Variants in DDX3X observed in about 807,000 individuals in gnomAD.
The protein encoded by DDX3X is DEAD-box helicase 3 X-linked, also known as ATP-dependent RNA helicase DDX3X.
Under a neutral mutation model 52.7 loss-of-function variants are expected in DDX3X, and 4 were observed. The ratio of observed to expected loss-of-function variants is 0.08; its 90% confidence interval spans 0.04 to 0.17. DDX3X has a LOEUF of 0.17. DDX3X is among the 10% of genes least tolerant of loss of function. The pLI is 1.00. For synonymous variants in DDX3X, 192 were observed against 178.1 expected, an observed-to-expected ratio of 1.08 and a Z score of -0.62; for missense variants, 222 against 548.6, an observed-to-expected ratio of 0.40 and a Z score of 5.95.
chrX:41,342,548 G>A lies in DDX3X; in HGVS notation c.338G>A (p.Arg113Lys). Residue 113 changes from arginine to lysine, a missense_variant, in exon 5 of 17, where the codon AGA becomes AAA. This residue lies in a region of DDX3X where 93 missense variants were observed against 123.7 expected (regional missense o/e 0.75). Transcript: ENST00000644876. ...DYDGIGSRGD[R>K]SGFGKFERGG... ...GATGGCATTGGCAGCCGTGGTGACA[G>A]AAGTGGCTTTGGCAAATTTGAACGT... is the stretch of plus-strand genomic sequence containing the variant. 1.7e-6 allele frequency: 2 copies of A among 1,211,953 alleles called. No homozygotes were observed. The highest frequency in any genetic ancestry group is 2.2e-6 in the Non-Finnish European group (2 of 895,492).
At chrX:41,339,133 A>T (rs763832456) in intron 3 of DDX3X, 50 bp downstream of exon 3, 5 of 745,451 alleles carry the variant, frequency 6.7e-6, no homozygotes, top group Non-Finnish European at 9.4e-6. Flanking sequence ...CTCCTTTAGA[A>T]GTTAGTAAAG....
chrX:41,346,757 A>G, intron 14 of DDX3X, 102 bp from the exon 15 acceptor site: 1 of 958,751 alleles, frequency 1.0e-6, no homozygotes, highest in Non-Finnish European at 1.4e-6. Flanking sequence ...TTTAAATATT[A>G]CGTGGTAATA....
rs2063957585 is a variant in DDX3X, at chrX:41,348,787, C to G, written c.*1068C>G. ...ATTTTAAATGCCGATTCACATTACTCTGTTCAAGCTGCGTTGAGATGTTAA... is the reference window on the plus strand; with the variant it reads ...ATTTTAAATGCCGATTCACATTACTGTGTTCAAGCTGCGTTGAGATGTTAA... On this transcript the variant is annotated 3_prime_UTR_variant, in exon 17 of 17. Transcript: ENST00000644876. 1 of 112,223 alleles carries G rather than the reference C, an allele frequency of 8.9e-6. No individual in the cohort carries two copies. The highest frequency in any genetic ancestry group is 1.9e-5 in the Non-Finnish European group (1 of 53,221). 9.2% of individuals were successfully genotyped at this position (112,223 alleles called of 1,213,427 possible). A position where few individuals can be genotyped will look rare whatever the true frequency, so the allele number is the denominator to read the frequency against.
At chrX:41,346,807 A>G in intron 14 of DDX3X, 52 bp from the exon 15 acceptor site, 1 of 1,097,497 alleles carries the variant, frequency 9.1e-7, no homozygotes, top group Non-Finnish European at 1.2e-6. Context: ...AATAGTAGCA[A>G]GTTACTTTAT....
chrX:41,347,167 G>A, intron 15 of DDX3X, 145 bp from the exon 16 acceptor site: 1 of 917,713 alleles, frequency 1.1e-6, no homozygotes, highest in South Asian at 2.4e-5. Context: ...GGTTGTATTA[G>A]AATGGGTGAC....
At chrX:41,337,874 A>G (rs1000269084) in intron 2 of DDX3X, 1 of 118,884 alleles carries the variant, frequency 8.4e-6, no homozygotes, top group Non-Finnish European at 1.7e-5. Flanking sequence ...AATTATCTCT[A>G]GAAGAGTTTT....
chrX:41,333,482 GT>G (rs2063706330), upstream of DDX3X: 1 of 90,035 alleles, frequency 1.1e-5, no homozygotes, highest in Non-Finnish European at 2.2e-5. Flanking sequence ...CCCCTCCCCC[GT>G]CCGGAGCACT....
intron 7 of DDX3X, 170 bp from the exon 8 acceptor site, chrX:41,343,567 C>T: frequency 1.9e-6 from 1 of 535,671 alleles, no homozygotes; most frequent in Non-Finnish European, 2.9e-6. Context: ...ACAAAATAGT[C>T]TCAGTTTGCT....
intron 4 of DDX3X, 121 bp from the exon 5 acceptor site, chrX:41,342,374 G>T: frequency 1.3e-6 from 1 of 765,990 alleles, no homozygotes; most frequent in Non-Finnish European, 1.9e-6. Context: ...ACTCAGAATT[G>T]GATTGTTGAC....
intron 4 of DDX3X, chrX:41,341,847 T>A (rs2063855545): frequency 3.1e-6 from 1 of 321,378 alleles, no homozygotes; most frequent in Non-Finnish European, 5.4e-6. Context: ...TTATATGTTC[T>A]ACTTAAAAGA....
chrX:41,351,517 A>T (rs1004278688), downstream of DDX3X: 31 of 111,620 alleles, frequency 2.8e-4, no homozygotes, highest in African/African-American at 8.8e-4. Flanking sequence ...TCTTTAGAGC[A>T]CAGTGACTTT....
chrX:41,344,467 C>A, intron 10 of DDX3X, 68 bp downstream of exon 10: 2 of 1,151,092 alleles, frequency 1.7e-6, no homozygotes, highest in Admixed American at 2.2e-5. Flanking sequence ...GGCAGAGTTG[C>A]GCTCTTGTTG....
At chrX:41,333,919 G>A, upstream of DDX3X, 1 of 207,975 alleles carries the variant, frequency 4.8e-6, no homozygotes, top group Non-Finnish European at 8.9e-6. Flanking sequence ...CGGAGAGCAC[G>A]GGAAGTGTAG....
intron 10 of DDX3X, 46 bp downstream of exon 10, chrX:41,344,445 T>G: frequency 8.3e-7 from 1 of 1,199,291 alleles, no homozygotes. Context: ...TTTGTTTTGT[T>G]CTTTTGTTTT....
downstream of DDX3X, among the ~76,000 whole-genome samples, chrX:41,354,447 C>G (rs1230242195): frequency 7.5e-5 from 8 of 106,830 alleles, no homozygotes; most frequent in African/African-American, 2.4e-4. Flanking sequence ...CCTCAGCCTC[C>G]TGAGTAGCTG....
chrX:41,339,865 T>C (rs2063823031), intron 3 of DDX3X: 1 of 109,834 alleles, frequency 9.1e-6, no homozygotes, highest in Admixed American at 9.9e-5. Context: ...TGGCAATGCA[T>C]GGATATAAAA....
At chrX:41,346,136 G>A in intron 12 of DDX3X, 93 bp from the exon 13 acceptor site, 1 of 753,938 alleles carries the variant, frequency 1.3e-6, no homozygotes, top group Non-Finnish European at 1.9e-6. Flanking sequence ...AGATATATAT[G>A]TATTTTAATT....
chrX:41,343,438 G>C, intron 7 of DDX3X, 87 bp downstream of exon 7: 2 of 883,335 alleles, frequency 2.3e-6, no homozygotes, highest in East Asian at 6.9e-5. Context: ...GGGTCATGCA[G>C]TTTTGCAGCT....
intron 1 of DDX3X, chrX:41,334,927 T>G: frequency 3.6e-6 from 1 of 279,750 alleles, no homozygotes; most frequent in Non-Finnish European, 5.3e-6. Flanking sequence ...AATGGGTTTC[T>G]TGTTTTTTCC....
Sources: allele counts gnomAD v4.1 joint callset (sites outside exome capture counted in the v4.1 genomes callset), GRCh38; gene constraint gnomAD v4.1.1; regional missense constraint gnomAD v4.1.1; transcripts MANE v1.5; gene names NCBI Gene and HGNC (gene_info 2026-07-23, HGNC 2026-07-21).